ENPP6: variants seen among roughly 807,000 people sequenced by gnomAD.
ENPP6 encodes ectonucleotide pyrophosphatase/phosphodiesterase 6, also known as glycerophosphocholine cholinephosphodiesterase ENPP6.
ENPP6 carries 32 observed loss-of-function variants against 42.0 expected under a neutral mutation model. The observed-to-expected ratio is 0.76, with a 90% CI of 0.58 to 1.02. The LOEUF is 1.02. Ranked by LOEUF, ENPP6 falls within the 50% of genes least tolerant of loss-of-function variation. The probability of loss-of-function intolerance (pLI) is 0.00; values close to 1 mark genes in which losing one functional copy is unlikely to be tolerated. For synonymous variants in ENPP6, 213 were observed against 216.0 expected (o/e 0.99, Z 0.12); for missense variants, 552 against 566.8 (o/e 0.97, Z 0.27).
At chr4:184,179,985 C>G (rs752510743) in intron 1 of ENPP6, among the ~76,000 whole-genome samples, 14 of 151,946 alleles carry the variant, frequency 9.2e-5, no homozygotes, top group Non-Finnish European at 2.1e-4. Context: ...AGTAAACAAA[C>G]CCCAAAGCTA....
At chr4:184,202,976 G>T (rs1361970782) in intron 1 of ENPP6, among the ~76,000 whole-genome samples, 5 of 152,148 alleles carry the variant, frequency 3.3e-5, no homozygotes, top group African/African-American at 1.2e-4. Context: ...GGACACAATG[G>T]CTCATGCCTG....
rs559023996 is a variant in ENPP6, at chr4:184,158,202, A to G, written c.242-4469T>C. Among the ~76,000 whole-genome samples the G allele has an allele frequency of 3.3e-5, 5 of 152,356 alleles. No homozygotes were observed. The East Asian group carries it at 5.8e-4, about 18-fold the overall frequency. ...GGAACGAATCTTGGAGCCAGATTGC[A>G]TAGGTTCAAGTATAAACTCTACTAA... On this transcript the variant is annotated intron_variant, in intron 1 of 7. Coordinates refer to ENST00000296741, the MANE Select transcript of ENPP6 (RefSeq NM_153343.4).
chr4:184,211,058 T>C (rs1733101543), intron 1 of ENPP6, among the ~76,000 whole-genome samples: 1 of 150,146 alleles, frequency 6.7e-6, no homozygotes, highest in Non-Finnish European at 1.5e-5. Context: ...AGACACAACA[T>C]ACCAGAATCT....
intron 6 of ENPP6, among the ~76,000 whole-genome samples, chr4:184,106,421 C>T (rs1021350285): frequency 6.6e-6 from 1 of 152,170 alleles, no homozygotes. Flanking sequence ...CTTGTTGCCA[C>T]GTCCCCTCTC....
Position 184,116,994 on chromosome 4 carries a change from C to T in ENPP6, c.717G>A (p.Ser239=), listed in dbSNP as rs144414378. 39 of 1,614,064 alleles carry T rather than the reference C, an allele frequency of 2.4e-5. No individual in the cohort carries two copies. Among genetic ancestry groups the T allele is most frequent in the Non-Finnish European group, 2.6e-5 (31 of 1,180,046 alleles). ...AGAAAATGTCGGTCATTCCGTGATCCGAGAAAATAATGACGTTCAGGCGGT... is the reference window on the plus strand; with the variant it reads ...AGAAAATGTCGGTCATTCCGTGATCTGAGAAAATAATGACGTTCAGGCGGT... ...LQDRLNVIIF[S]DHGMTDIFWM... The change falls in exon 5 of 8, where the codon TCG becomes TCA. Residue 239 remains serine (S), a synonymous_variant. Coordinates refer to ENST00000296741, the MANE Select transcript of ENPP6 (RefSeq NM_153343.4).
chr4:184,151,992 G>A lies in ENPP6; in HGVS notation c.421+1562C>T, dbSNP rs191250596. On this transcript the variant is annotated intron_variant, in intron 2 of 7. Transcript: ENST00000296741. ...TGCGTCAGCCGAGGTGGCTGCTATG[G>A]AAGGAATCTTAGGTGTCTTCTGAAG... Among the ~76,000 whole-genome samples, 1,139 of 152,312 alleles carry A rather than the reference G, an allele frequency of 7.5e-3. 8 individuals carry two copies. Among genetic ancestry groups the A allele is most frequent in the South Asian group, 0.027 (129 of 4,820 alleles).
chr4:184,095,328 T>G (rs549691624), intron 7 of ENPP6, among the ~76,000 whole-genome samples: 1 of 152,052 alleles, frequency 6.6e-6, no homozygotes, highest in Non-Finnish European at 1.5e-5. Flanking sequence ...TGTTTAAAAT[T>G]TGGGGTTTGG....
chr4:184,113,899 TTTTCTTTC>T (rs70959170), intron 5 of ENPP6, among the ~76,000 whole-genome samples: 7,842 of 103,570 alleles, frequency 0.076, 316 homozygotes, highest in Middle Eastern at 0.095. Flanking sequence ...CCTTTCTTTC[TTTTCTTTC>T]TTTCTTTCTT....
intron 2 of ENPP6, among the ~76,000 whole-genome samples, chr4:184,147,300 C>T (rs538379257): frequency 2.0e-4 from 30 of 152,310 alleles, no homozygotes; most frequent in African/African-American, 6.7e-4. Flanking sequence ...CCAGTCTGAG[C>T]GATGCTCACC....
At chr4:184,164,748 GC>G (rs1737322677) in intron 1 of ENPP6, among the ~76,000 whole-genome samples, 1 of 152,190 alleles carries the variant, frequency 6.6e-6, no homozygotes, top group Non-Finnish European at 1.5e-5. Flanking sequence ...CCTCACCGTG[GC>G]CCTAAGGGAT....
chr4:184,105,328 T>C (rs576756867), intron 6 of ENPP6, among the ~76,000 whole-genome samples: 4 of 152,212 alleles, frequency 2.6e-5, no homozygotes, highest in Non-Finnish European at 5.9e-5. Context: ...ATGGTAGAAC[T>C]TCTGTTTCTG....
At chr4:184,162,956 G>A (rs1394924037) in intron 1 of ENPP6, among the ~76,000 whole-genome samples, 2 of 152,146 alleles carry the variant, frequency 1.3e-5, no homozygotes, top group African/African-American at 4.8e-5. Context: ...TCCCCGAGTG[G>A]TGAATAGCAA....
intron 6 of ENPP6, among the ~76,000 whole-genome samples, chr4:184,110,652 A>G (rs551955754): frequency 1.3e-5 from 2 of 152,312 alleles, no homozygotes; most frequent in East Asian, 3.9e-4. Context: ...GATGTGATGC[A>G]TGGAGCTGCA....
chr4:184,185,045 G>C (rs545098435), intron 1 of ENPP6, among the ~76,000 whole-genome samples: 1 of 152,154 alleles, frequency 6.6e-6, no homozygotes, highest in Non-Finnish European at 1.5e-5. Context: ...GATAATCAAA[G>C]AATTTTCTGA....
At chr4:184,116,048 T>C (rs775958605) in intron 5 of ENPP6, among the ~76,000 whole-genome samples, 2 of 150,652 alleles carry the variant, frequency 1.3e-5, no homozygotes, top group Non-Finnish European at 3.0e-5. Flanking sequence ...ACCCCGTCTC[T>C]ACTAAAAAAA....
intron 1 of ENPP6, among the ~76,000 whole-genome samples, chr4:184,190,572 G>C (rs1440686007): frequency 2.6e-5 from 4 of 152,190 alleles, no homozygotes; most frequent in African/African-American, 4.8e-5. Context: ...AGGAAAGCTG[G>C]CTAACTATTT....
intron 2 of ENPP6, among the ~76,000 whole-genome samples, chr4:184,147,229 C>A (rs764574935): frequency 1.3e-5 from 2 of 152,196 alleles, no homozygotes; most frequent in Non-Finnish European, 2.9e-5. Flanking sequence ...ATCAGCAGGT[C>A]CTGGCAGTTC....
rs2111323269 is a variant in ENPP6 at position 184,090,751 on chromosome 4, T to C, written c.*426A>G. ...GGATTGTGGCCACAGACACTGAGGA[T>C]GGCTCCTGGGTGTGGACAGGGCACA... On this transcript the variant is annotated 3_prime_UTR_variant, in exon 8 of 8. Coordinates refer to ENST00000296741, the MANE Select transcript of ENPP6 (RefSeq NM_153343.4). The C allele has an allele frequency of 2.9e-6, 1 of 340,226 alleles. No homozygotes were observed. Among genetic ancestry groups the C allele is most frequent in the African/African-American group, 2.1e-5 (1 of 47,568 alleles). 21.1% of individuals were successfully genotyped at this position (340,226 alleles called of 1,614,324 possible).
intron 1 of ENPP6, among the ~76,000 whole-genome samples, chr4:184,206,406 C>T (rs572909761): frequency 1.9e-5 from 2 of 105,936 alleles, no homozygotes; most frequent in African/African-American, 3.9e-5. Context: ...TACAGGCGGG[C>T]GCCACCAGGC....
Sources: gnomAD v4.1 joint callset for allele counts (sites outside exome capture counted in the v4.1 genomes callset) on GRCh38, gnomAD v4.1.1 for gene constraint, MANE v1.5 for transcripts, NCBI Gene and HGNC (gene_info 2026-07-23, HGNC 2026-07-21) for gene names.